The following ERMP1 variants were observed in gnomAD, a reference collection of about 807,000 sequenced individuals.
ERMP1 encodes the protein endoplasmic reticulum metallopeptidase 1.
Under a neutral mutation model 92.0 loss-of-function variants are expected in ERMP1, and 86 were observed. That is an observed-to-expected ratio of 0.93 (90% CI 0.79 to 1.12). The LOEUF (loss-of-function observed/expected upper bound fraction) is 1.12, where lower values mean the gene tolerates loss of function less well. Ranked by LOEUF, ERMP1 falls within the 50% of genes most tolerant of loss-of-function variation. ERMP1 has a pLI of 0.00. For missense variants in ERMP1, 1,342 were observed against 1,116.3 expected (o/e 1.20, Z -2.88); for synonymous variants, 530 against 412.8 (o/e 1.28, Z -3.44).
At chr9:5,802,513 T>C (rs978296536) in intron 10 of ERMP1, among the ~76,000 whole-genome samples, 3 of 152,114 alleles carry the variant, frequency 2.0e-5, no homozygotes, top group African/African-American at 7.2e-5. Context: ...GCCTCCTGAG[T>C]AGCTGAAATT....
At chr9:5,853,076 G>C (rs1830329548) in intron 6 of ERMP1, among the ~76,000 whole-genome samples, 1 of 152,178 alleles carries the variant, frequency 6.6e-6, no homozygotes, top group African/African-American at 2.4e-5. Context: ...AAAATTGTAG[G>C]AAAGTGACTA....
At chr9:5,789,817 G>T (rs1214789000) in intron 13 of ERMP1, among the ~76,000 whole-genome samples, 1 of 151,582 alleles carries the variant, frequency 6.6e-6, no homozygotes, top group Non-Finnish European at 1.5e-5. Context: ...CCAAGTAGCT[G>T]GGACTACAGA....
At chr9:5,830,665 G>GT in intron 2 of ERMP1, 62 bp downstream of exon 2, 1 of 1,386,588 alleles carries the variant, frequency 7.2e-7, no homozygotes, top group East Asian at 2.3e-5. Flanking sequence ...GTAGCTTGGG[G>GT]TTATGTTAAT....
At chr9:5,853,013 A>G (rs1277616487) in intron 6 of ERMP1, among the ~76,000 whole-genome samples, 1 of 152,198 alleles carries the variant, frequency 6.6e-6, no homozygotes, top group African/African-American at 2.4e-5. Flanking sequence ...TTAACAGGGG[A>G]AAAAGCATCT....
At chr9:5,853,560 C>A (rs1830335441) in intron 6 of ERMP1, among the ~76,000 whole-genome samples, 1 of 151,962 alleles carries the variant, frequency 6.6e-6, no homozygotes, top group Admixed American at 6.6e-5. Flanking sequence ...GTGTATGTTC[C>A]TAAATGTGGT....
intron 8 of ERMP1, among the ~76,000 whole-genome samples, chr9:5,806,526 CAA>C (rs1326135036): frequency 3.3e-5 from 5 of 151,606 alleles, no homozygotes; most frequent in Non-Finnish European, 2.9e-5. Flanking sequence ...CTCCTGGGCT[CAA>C]GTGATTCTTC....
intron 6 of ERMP1, among the ~76,000 whole-genome samples, chr9:5,857,509 T>C (rs1272685954): frequency 6.6e-6 from 1 of 152,242 alleles, no homozygotes; most frequent in African/African-American, 2.4e-5. Context: ...TAGACGAATT[T>C]GCAAATATAG....
At chr9:5,829,159 G>A (rs970981263) in intron 2 of ERMP1, among the ~76,000 whole-genome samples, 7 of 147,626 alleles carry the variant, frequency 4.7e-5, no homozygotes, top group Non-Finnish European at 8.9e-5. Flanking sequence ...AGGATGCAGT[G>A]AGCCAAGATT....
intron 4 of ERMP1, among the ~76,000 whole-genome samples, chr9:5,813,845 T>C (rs1586800242): frequency 6.7e-6 from 1 of 149,066 alleles, no homozygotes; most frequent in Non-Finnish European, 1.5e-5. Flanking sequence ...TGGGATACAT[T>C]GTTTTATAAT....
rs758955887 is a variant in ERMP1 at position 5,787,268 on chromosome 9, A to G, written c.2591T>C (p.Ile864Thr). The G allele has an allele frequency of 1.2e-5, 20 of 1,613,896 alleles. No homozygotes were observed. Among genetic ancestry groups the G allele is most frequent in the Middle Eastern group, 1.6e-4 (1 of 6,082 alleles). ...EHPEGMVTVA[I>T]AAHYLSGEDK... ...TTCCCCAGACAGATAGTGGGCAGCA[A>G]TGGCCACGGTGACCATTCCTTCAGG... Residue 864 changes from isoleucine (I) to threonine (T), a missense_variant, in exon 15 of 15, where the codon ATT (isoleucine) becomes ACT (threonine). By Grantham distance (89) the Ile-to-Thr change is moderately conservative. Coordinates refer to ENST00000339450, the MANE Select transcript of ERMP1 (RefSeq NM_024896.3).
At chr9:5,852,557 T>G (rs1008570136) in intron 6 of ERMP1, among the ~76,000 whole-genome samples, 3 of 151,866 alleles carry the variant, frequency 2.0e-5, no homozygotes, top group African/African-American at 7.3e-5. Flanking sequence ...TACCCCACCA[T>G]AGCAGCAGAA....
chr9:5,799,575 C>G (rs1323483247), intron 11 of ERMP1, among the ~76,000 whole-genome samples: 4 of 152,152 alleles, frequency 2.6e-5, no homozygotes, highest in African/African-American at 9.7e-5. Context: ...AAACTGCAGC[C>G]AACAGGGCAA....
chr9:5,832,989 G>T lies in ERMP1; in HGVS notation c.39C>A (p.His13Gln), dbSNP rs759981818. 1.9e-6 allele frequency: 3 copies of T among 1,559,834 alleles called. No homozygotes were observed. In the East Asian group the frequency reaches 7.5e-5, roughly 39 times the overall value. ...CCTCTCGACGCTCTACTCCGACGCG[G>T]TGCCGCCTCACAGCAGCCGACTCAG... ...WGSESAAVRR[H>Q]RVGVERREGA... is the part of the protein sequence containing the mutation. The change falls in exon 1 of 15, where the codon CAC becomes CAA. Residue 13 changes from histidine to glutamine, a missense_variant. Coordinates refer to ENST00000339450, the MANE Select transcript of ERMP1 (RefSeq NM_024896.3).
chr9:5,814,461 G>C (rs1364103720), intron 4 of ERMP1, among the ~76,000 whole-genome samples: 1 of 152,162 alleles, frequency 6.6e-6, no homozygotes, highest in Non-Finnish European at 1.5e-5. Context: ...AAATGACCAA[G>C]GCTGGGTGCA....
At chr9:5,815,118 C>G (rs1045780247) in intron 4 of ERMP1, among the ~76,000 whole-genome samples, 1 of 152,158 alleles carries the variant, frequency 6.6e-6, no homozygotes, top group Admixed American at 6.5e-5. Flanking sequence ...TGTTTAAAGA[C>G]TTAATGGCCA....
At position 5,832,795 on chromosome 9, in the gene ERMP1, G is replaced by A. The variant is rs754608712; in HGVS notation, c.233C>T (p.Ala78Val). The change falls in exon 1 of 15, where the codon GCG becomes GTG. Residue 78 changes from alanine (A) to valine (V), a missense_variant. Coordinates refer to ENST00000339450, the MANE Select transcript of ERMP1 (RefSeq NM_024896.3). ...LSEVRAALGL[A>V]LYLIALRTLV... ...CGTCCGCAGCGCGATCAGGTAGAGC[G>A]CGAGCCCCAGCGCGGCGCGCACCTC... 2.0e-6 allele frequency: 3 copies of A among 1,501,398 alleles called. No individual in the cohort carries two copies. Among genetic ancestry groups the A allele is most frequent in the Middle Eastern group, 4.5e-4 (2 of 4,482 alleles). 93.0% of individuals were successfully genotyped at this position (1,501,398 alleles called of 1,614,324 possible).
intron 6 of ERMP1, 116 bp from the exon 7 acceptor site, chr9:5,811,439 T>C (rs1408866304): frequency 1.4e-6 from 1 of 731,082 alleles, no homozygotes; most frequent in Non-Finnish European, 2.2e-6. Flanking sequence ...ATATACTGTT[T>C]GAATGAAGAA....
chr9:5,793,052 A>T (rs1363814257), intron 13 of ERMP1, among the ~76,000 whole-genome samples: 1 of 152,162 alleles, frequency 6.6e-6, no homozygotes, highest in Non-Finnish European at 1.5e-5. Flanking sequence ...ATGTATACTT[A>T]TATGTGTGCA....
At chr9:5,825,974 C>A (rs543376576) in intron 2 of ERMP1, among the ~76,000 whole-genome samples, 111 of 152,096 alleles carry the variant, frequency 7.3e-4, no homozygotes, top group Non-Finnish European at 1.2e-3. Context: ...TTTGATGATA[C>A]CAAGGAATTA....
Sources: gnomAD v4.1 joint callset for allele counts (sites outside exome capture counted in the v4.1 genomes callset) on GRCh38, gnomAD v4.1.1 for gene constraint, MANE v1.5 for transcripts, NCBI Gene and HGNC (gene_info 2026-07-23, HGNC 2026-07-21) for gene names.